KIF26B: variants seen among roughly 807,000 people sequenced by gnomAD.
KIF26B encodes kinesin family member 26B.
In KIF26B, 63 loss-of-function variants were observed where a neutral mutation model predicts 151.2. That is an observed-to-expected ratio of 0.42 (90% CI 0.34 to 0.51). KIF26B has a LOEUF of 0.51. KIF26B is among the 20% of genes least tolerant of loss of function. The probability of loss-of-function intolerance (pLI) is 0.07; values close to 1 mark genes in which losing one functional copy is unlikely to be tolerated. For synonymous variants in KIF26B, 1,357 were observed against 1,262.1 expected (o/e 1.08, Z -1.59); for missense variants, 2,813 against 2,913.6 (o/e 0.97, Z 0.79).
At position 245,223,771 on chromosome 1, in the gene KIF26B, C is replaced by G. The variant is rs12046298; in HGVS notation, c.465+67088C>G. Among the ~76,000 whole-genome samples, 622 of 152,264 alleles carry G rather than the reference C, an allele frequency of 4.1e-3. 18 individuals carry two copies. The East Asian group carries it at 0.092, about 23-fold the overall frequency. On this transcript the variant is annotated intron_variant, in intron 2 of 14. Coordinates refer to ENST00000407071, the MANE Select transcript of KIF26B (RefSeq NM_018012.4). Reference sequence around the variant, plus strand: ...AGCTATTTTCATTATAATTCTGAGACATTTTTCTCCTCTACACTGTGCTGA... The same window carrying G: ...AGCTATTTTCATTATAATTCTGAGAGATTTTTCTCCTCTACACTGTGCTGA...
chr1:245,156,503 T>C lies in KIF26B; in HGVS notation c.285T>C (p.Ser95=), dbSNP rs1422616718. The C allele has an allele frequency of 1.3e-6, 2 of 1,528,080 alleles. No individual in the cohort carries two copies. The highest frequency in any genetic ancestry group is 5.0e-5 in the East Asian group (2 of 40,146). 94.7% of individuals were successfully genotyped at this position (1,528,080 alleles called of 1,614,324 possible). A position where few individuals can be genotyped will look rare whatever the true frequency, so the allele number is the denominator to read the frequency against. ...CCGCCTCCCCCGGCATCGGCACTAG[T>C]TCGCCGGGCTCCTTGGGCGGCTCTC... ...PGPASPGIGT[S]SPGSLGGSPG... The change falls in exon 2 of 15, where the codon AGT becomes AGC. Residue 95 remains serine (S), a synonymous_variant. Coordinates refer to ENST00000407071, the MANE Select transcript of KIF26B (RefSeq NM_018012.4).
intron 9 of KIF26B, among the ~76,000 whole-genome samples, chr1:245,619,992 A>G (rs1186320995): frequency 2.0e-5 from 3 of 151,942 alleles, no homozygotes; most frequent in East Asian, 1.9e-4. Flanking sequence ...GAGTAAGACC[A>G]CCCAATTACC....
At chr1:245,264,097 A>G (rs1670698336) in intron 2 of KIF26B, among the ~76,000 whole-genome samples, 1 of 152,214 alleles carries the variant, frequency 6.6e-6, no homozygotes, top group Non-Finnish European at 1.5e-5. Context: ...TTTGCTAGAC[A>G]CAATAGTGTA....
chr1:245,611,766 C>A, intron 8 of KIF26B, 27 bp from the exon 9 acceptor site: 1 of 1,607,094 alleles, frequency 6.2e-7, no homozygotes, highest in Non-Finnish European at 8.5e-7. Flanking sequence ...CAGCCTGCAG[C>A]CTCATCTCTT....
At chr1:245,172,468 C>T (rs1186503817) in intron 2 of KIF26B, among the ~76,000 whole-genome samples, 1 of 152,088 alleles carries the variant, frequency 6.6e-6, no homozygotes, top group Non-Finnish European at 1.5e-5. Flanking sequence ...CCTTGAGGGG[C>T]TGCAGGAACC....
chr1:245,500,431 A>G (rs1660597352), intron 4 of KIF26B, among the ~76,000 whole-genome samples: 1 of 152,264 alleles, frequency 6.6e-6, no homozygotes, highest in African/African-American at 2.4e-5. Flanking sequence ...TCAGTTAGAA[A>G]AAATACAGTA....
At chr1:245,253,855 G>A (rs145162231) in intron 2 of KIF26B, among the ~76,000 whole-genome samples, 3,899 of 135,074 alleles carry the variant, frequency 0.029, 75 homozygotes, top group Non-Finnish European at 0.043. Context: ...TGCTGCGCAG[G>A]CTGGAGTGCA....
At chr1:245,517,079 G>C (rs1444505536) in intron 4 of KIF26B, among the ~76,000 whole-genome samples, 1 of 152,226 alleles carries the variant, frequency 6.6e-6, no homozygotes, top group Non-Finnish European at 1.5e-5. Flanking sequence ...TAAAAATGGG[G>C]ATGGGGCCGG....
At position 245,703,623 on chromosome 1, in the gene KIF26B, C is replaced by T. The variant is rs1193288661; in HGVS notation, c.*1017C>T. ...CATTTTTATTCCAAAAAGTCTTGAA[C>T]GAAAGCTGGAACCAATTCACCAGAG... On this transcript the variant is annotated 3_prime_UTR_variant, in exon 15 of 15. Coordinates refer to ENST00000407071, the MANE Select transcript of KIF26B (RefSeq NM_018012.4). The T allele has an allele frequency of 3.9e-5, 6 of 152,162 alleles. No individual in the cohort carries two copies. The highest frequency in any genetic ancestry group is 7.3e-5 in the Non-Finnish European group (5 of 68,030). 9.4% of individuals were successfully genotyped at this position (152,162 alleles called of 1,614,324 possible).
At chr1:245,232,929 T>A (rs1452150502) in intron 2 of KIF26B, among the ~76,000 whole-genome samples, 1 of 152,230 alleles carries the variant, frequency 6.6e-6, no homozygotes, top group Non-Finnish European at 1.5e-5. Context: ...TGAGCCCCAG[T>A]GAAGCCTCAG....
intron 5 of KIF26B, among the ~76,000 whole-genome samples, chr1:245,595,066 T>G (rs1460490908): frequency 6.6e-6 from 1 of 152,226 alleles, no homozygotes; most frequent in Non-Finnish European, 1.5e-5. Context: ...GATTTTGGGC[T>G]GAGACGACGG....
intron 5 of KIF26B, among the ~76,000 whole-genome samples, chr1:245,569,366 G>A (rs374552936): frequency 9.2e-5 from 14 of 152,226 alleles, no homozygotes; most frequent in African/African-American, 3.1e-4. Context: ...CCAGCACTTT[G>A]GGAGGCTGAG....
intron 2 of KIF26B, among the ~76,000 whole-genome samples, chr1:245,178,454 C>T (rs1668846980): frequency 6.6e-6 from 1 of 151,832 alleles, no homozygotes; most frequent in African/African-American, 2.4e-5. Context: ...AAGTTTTTTT[C>T]CTTTTTAATT....
intron 2 of KIF26B, among the ~76,000 whole-genome samples, chr1:245,230,154 C>CA (rs1178666462): frequency 0.16 from 11,268 of 68,810 alleles, 758 homozygotes; most frequent in African/African-American, 0.28. Flanking sequence ...AAACAAAAAG[C>CA]AAAAAAAAAA....
intron 5 of KIF26B, among the ~76,000 whole-genome samples, chr1:245,556,610 C>T (rs1353421860): frequency 6.6e-6 from 1 of 152,124 alleles, no homozygotes; most frequent in Admixed American, 6.5e-5. Flanking sequence ...CCATGTTGCC[C>T]AGGCTGGTCT....
At chr1:245,327,189 C>G (rs549963898) in intron 2 of KIF26B, among the ~76,000 whole-genome samples, 2 of 152,308 alleles carry the variant, frequency 1.3e-5, no homozygotes, top group African/African-American at 4.8e-5. Context: ...GTGAGGAGCC[C>G]TGAATCTCGA....
chr1:245,581,929 G>GA lies in KIF26B; in HGVS notation c.1351-20646dup, dbSNP rs1553291659. Among the ~76,000 whole-genome samples, 840 of 114,556 alleles carry GA rather than the reference G, an allele frequency of 7.3e-3. 5 individuals are homozygous for GA. The highest frequency in any genetic ancestry group is 9.4e-3 in the Middle Eastern group (2 of 212). The allele number at this position is 114,556 out of a possible 152,430, so 75.2% of individuals were successfully genotyped here. A position where few individuals can be genotyped will look rare whatever the true frequency, so the allele number is the denominator to read the frequency against. ...GAGACCCTGTCAAAGAGAGAAAGAG[G>GA]AAGGAAGGAAGGAAGGAAGGAAGGA... is the stretch of plus-strand genomic sequence containing the variant. On this transcript the variant is annotated intron_variant, in intron 5 of 14. Transcript: ENST00000407071.
chr1:245,383,401 G>T (rs1391078904), intron 3 of KIF26B, among the ~76,000 whole-genome samples: 1 of 152,128 alleles, frequency 6.6e-6, no homozygotes, highest in East Asian at 1.9e-4. Context: ...CTTCGTGCAG[G>T]GTCCACTCTC....
Position 245,156,270 on chromosome 1 carries a change from T to C in KIF26B, c.64-12T>C, listed in dbSNP as rs1195254739. On this transcript the variant is annotated splice_polypyrimidine_tract_variant and intron_variant, in intron 1 of 14. Coordinates refer to ENST00000407071, the MANE Select transcript of KIF26B (RefSeq NM_018012.4). ...CCTTGCAGCCCCTGACACCGGCGTG[T>C]CTTCCCCGCAGGTGAATGAAGTCTG... 4.1e-5 allele frequency: 63 copies of C among 1,544,550 alleles called. No individual in the cohort carries two copies. The Admixed American group carries it at 1.2e-3, about 29-fold the overall frequency.
Sources: allele counts gnomAD v4.1 joint callset (sites outside exome capture counted in the v4.1 genomes callset), GRCh38; gene constraint gnomAD v4.1.1; transcripts MANE v1.5; gene names NCBI Gene and HGNC (gene_info 2026-07-23, HGNC 2026-07-21).